Variants in CDC42SE2 observed in about 807,000 individuals in gnomAD.
CDC42SE2 encodes CDC42 small effector 2, also known as CDC42 small effector protein 2.
A neutral mutation model predicts 11.5 loss-of-function variants in CDC42SE2; 3 were observed. That is an observed-to-expected ratio of 0.26 (90% confidence interval 0.12 to 0.67). The LOEUF is 0.67. CDC42SE2 is among the 30% of genes least tolerant of loss of function. The pLI is 0.80. For missense variants in CDC42SE2, 82 were observed against 106.8 expected, an observed-to-expected ratio of 0.77 and a Z score of 1.02; for synonymous variants, 33 against 34.8, an observed-to-expected ratio of 0.95 and a Z score of 0.18.
chr5:131,316,460 T>A (rs1758041187), intron 2 of CDC42SE2, among the ~76,000 whole-genome samples: 1 of 152,240 alleles, frequency 6.6e-6, no homozygotes, highest in African/African-American at 2.4e-5. Flanking sequence ...GTCATGATAG[T>A]TACCAGCATC....
At chr5:131,353,800 T>C (rs1749448847) in intron 2 of CDC42SE2, among the ~76,000 whole-genome samples, 1 of 151,884 alleles carries the variant, frequency 6.6e-6, no homozygotes, top group African/African-American at 2.4e-5. Context: ...TCACAGCATG[T>C]ACTCAGGAGG....
chr5:131,380,234 T>C, intron 3 of CDC42SE2, among the ~76,000 whole-genome samples: 1 of 152,208 alleles, frequency 6.6e-6, no homozygotes, highest in African/African-American at 2.4e-5. Context: ...CTGCACCATA[T>C]TTGTAGTCTT....
intron 1 of CDC42SE2, among the ~76,000 whole-genome samples, chr5:131,294,729 C>T (rs1580736721): frequency 1.3e-5 from 2 of 152,170 alleles, no homozygotes; most frequent in South Asian, 2.1e-4. Flanking sequence ...TGGTGGCTCA[C>T]GCCTGTAATT....
chr5:131,216,620 G>A, the CDC42SE2 span, among the ~76,000 whole-genome samples: 1 of 151,906 alleles, frequency 6.6e-6, no homozygotes, highest in Non-Finnish European at 1.5e-5. Context: ...CAGGGATACA[G>A]TTTCCTTTAA....
At chr5:131,275,944 C>T (rs1757091637) in intron 1 of CDC42SE2, among the ~76,000 whole-genome samples, 1 of 151,706 alleles carries the variant, frequency 6.6e-6, no homozygotes, top group African/African-American at 2.4e-5. Context: ...ATGTACACAA[C>T]TCTATTGAGT....
chr5:131,360,372 T>G (rs2149771058), intron 3 of CDC42SE2, among the ~76,000 whole-genome samples: 1 of 152,272 alleles, frequency 6.6e-6, no homozygotes, highest in South Asian at 2.1e-4. Context: ...CACCCGCCTC[T>G]GCCTCCCAAA....
chr5:131,297,680 A>G (rs887198019), intron 1 of CDC42SE2, among the ~76,000 whole-genome samples: 2 of 152,118 alleles, frequency 1.3e-5, no homozygotes, highest in Admixed American at 1.3e-4. Context: ...AGATTGTGCC[A>G]CTGCACTCCA....
intron 1 of CDC42SE2, among the ~76,000 whole-genome samples, chr5:131,301,487 C>T (rs148757356): frequency 0.011 from 1,646 of 152,100 alleles, 33 homozygotes; most frequent in African/African-American, 0.036. Context: ...GGGCTGGGTG[C>T]GGTGGCTCAT....
chr5:131,214,950 TAATTAGCTCAA>T, the CDC42SE2 span, among the ~76,000 whole-genome samples: 2 of 152,238 alleles, frequency 1.3e-5, no homozygotes, highest in African/African-American at 4.8e-5. Flanking sequence ...GGCTTTTCCA[TAATTAGCTCAA>T]ATTGCTGAAG....
intron 1 of CDC42SE2, among the ~76,000 whole-genome samples, chr5:131,276,716 A>C (rs951467231): frequency 7.0e-6 from 1 of 143,766 alleles, no homozygotes; most frequent in Admixed American, 7.3e-5. Context: ...TCATATAAAC[A>C]TGACCATTAG....
chr5:131,335,068 A>G (rs1758521318), intron 2 of CDC42SE2, among the ~76,000 whole-genome samples: 2 of 151,992 alleles, frequency 1.3e-5, no homozygotes, highest in Non-Finnish European at 2.9e-5. Context: ...TAGGGTGTCA[A>G]TTTTAGATCT....
intron 1 of CDC42SE2, among the ~76,000 whole-genome samples, chr5:131,289,381 T>A (rs1757404117): frequency 6.6e-6 from 1 of 152,170 alleles, no homozygotes; most frequent in Non-Finnish European, 1.5e-5. Flanking sequence ...TGTCAAGAGT[T>A]TGTAGCATAG....
intron 2 of CDC42SE2, among the ~76,000 whole-genome samples, chr5:131,348,640 A>G (rs898579839): frequency 2.0e-5 from 3 of 152,142 alleles, no homozygotes; most frequent in Admixed American, 6.5e-5. Context: ...GGAAAAAACT[A>G]CTTTAAAGTT....
At chr5:131,302,669 T>C (rs1472835140) in intron 1 of CDC42SE2, among the ~76,000 whole-genome samples, 1 of 152,192 alleles carries the variant, frequency 6.6e-6, no homozygotes, top group Non-Finnish European at 1.5e-5. Flanking sequence ...CCATATTCTT[T>C]GTCTGGACAT....
chr5:131,295,042 G>A (rs1359657643), intron 1 of CDC42SE2, among the ~76,000 whole-genome samples: 1 of 151,886 alleles, frequency 6.6e-6, no homozygotes, highest in Non-Finnish European at 1.5e-5. Flanking sequence ...CAGGACAATC[G>A]CTTGAACCTG....
At chr5:131,310,022 C>A (rs1757867892) in intron 1 of CDC42SE2, among the ~76,000 whole-genome samples, 1 of 152,162 alleles carries the variant, frequency 6.6e-6, no homozygotes, top group South Asian at 2.1e-4. Flanking sequence ...TTGTCTAGTT[C>A]TTTTAATTGT....
At chr5:131,231,449 A>C in the CDC42SE2 span, among the ~76,000 whole-genome samples, 4 of 152,018 alleles carry the variant, frequency 2.6e-5, no homozygotes, top group African/African-American at 9.7e-5. Flanking sequence ...CAAAAGCAAC[A>C]AAAAAAACAT....
At chr5:131,315,178 C>T (rs892874369) in intron 1 of CDC42SE2, among the ~76,000 whole-genome samples, 3 of 151,670 alleles carry the variant, frequency 2.0e-5, no homozygotes, top group South Asian at 4.2e-4. Context: ...AGATTTTAGG[C>T]GTGTTTTGTC....
chr5:131,281,066 A>G (rs1342492346), intron 1 of CDC42SE2, among the ~76,000 whole-genome samples: 1 of 152,220 alleles, frequency 6.6e-6, no homozygotes, highest in Non-Finnish European at 1.5e-5. Context: ...GTCGTTAAAT[A>G]GCAATTGTAA....
Sources: allele counts gnomAD v4.1 joint callset (sites outside exome capture counted in the v4.1 genomes callset), GRCh38; gene constraint gnomAD v4.1.1; transcripts MANE v1.5; gene names NCBI Gene and HGNC (gene_info 2026-07-23, HGNC 2026-07-21).